The following ZNF385D variants were observed in gnomAD, a reference collection of about 807,000 sequenced individuals.
ZNF385D encodes the protein zinc finger protein 659.
A neutral mutation model predicts 35.8 loss-of-function variants in ZNF385D; 15 were observed. The ratio of observed to expected loss-of-function variants is 0.42; its 90% CI spans 0.28 to 0.64. ZNF385D has a LOEUF of 0.64. Among genes scored for constraint, ZNF385D ranks in the 30% least tolerant of loss-of-function variants. The pLI, the probability that ZNF385D is intolerant of heterozygous loss-of-function variation, is 0.23. For missense variants in ZNF385D, 474 were observed against 494.6 expected, an observed-to-expected ratio of 0.96 and a Z score of 0.39; for synonymous variants, 212 against 186.8, an observed-to-expected ratio of 1.13 and a Z score of -1.10.
At chr3:22,202,594 G>A (rs552464021) in intron 2 of ZNF385D, among the ~76,000 whole-genome samples, 15 of 152,158 alleles carry the variant, frequency 9.9e-5, no homozygotes, top group African/African-American at 3.6e-4. Flanking sequence ...CCAAAAATCA[G>A]GTAAGTGATC....
At chr3:21,700,180 C>T (rs991847325) in intron 1 of ZNF385D, among the ~76,000 whole-genome samples, 21 of 152,006 alleles carry the variant, frequency 1.4e-4, no homozygotes, top group Middle Eastern at 3.4e-3. Flanking sequence ...TAGAGAATGT[C>T]GGGGCCAGGT....
chr3:22,289,847 A>G (rs1346756023), intron 2 of ZNF385D, among the ~76,000 whole-genome samples: 1 of 152,158 alleles, frequency 6.6e-6, no homozygotes, highest in Non-Finnish European at 1.5e-5. Flanking sequence ...TTTAGAATAC[A>G]CACAGCTACT....
intron 1 of ZNF385D, among the ~76,000 whole-genome samples, chr3:21,711,159 A>G (rs2068092930): frequency 6.9e-6 from 1 of 144,564 alleles, no homozygotes; most frequent in Non-Finnish European, 1.5e-5. Context: ...CTCCTGCCTC[A>G]GCCTCCCGAG....
chr3:21,808,878 A>G (rs570932224), intron 3 of ZNF385D, among the ~76,000 whole-genome samples: 3 of 152,212 alleles, frequency 2.0e-5, no homozygotes, highest in Non-Finnish European at 4.4e-5. Context: ...GGTAGCACCA[A>G]AGTAGGACAG....
chr3:21,885,137 T>C (rs909084590), intron 3 of ZNF385D, among the ~76,000 whole-genome samples: 1 of 152,008 alleles, frequency 6.6e-6, no homozygotes, highest in Non-Finnish European at 1.5e-5. Context: ...ATAATTTACA[T>C]AAAAGCATAT....
At chr3:21,633,052 A>G (rs538513639) in intron 2 of ZNF385D, among the ~76,000 whole-genome samples, 1 of 152,128 alleles carries the variant, frequency 6.6e-6, no homozygotes, top group South Asian at 2.1e-4. Context: ...GAAAATGCAC[A>G]AAAGTCTAAA....
rs199996850 is a variant in ZNF385D, at chr3:21,421,467, T to C, written c.955-20A>G. The C allele has an allele frequency of 2.8e-5, 44 of 1,578,982 alleles. No homozygotes were observed. In the African/African-American group the frequency reaches 5.6e-4, roughly 20 times the overall value. ...TTTTACCTGCAAGGGAGAAAAAATA[T>C]TGTAAAAAAAACAACAGTTTTGGAA... On this transcript the variant is annotated intron_variant, in intron 7 of 7. Transcript: ENST00000281523.
chr3:21,714,414 C>T (rs1229446424), intron 1 of ZNF385D, among the ~76,000 whole-genome samples: 2 of 152,172 alleles, frequency 1.3e-5, no homozygotes, highest in Non-Finnish European at 2.9e-5. Flanking sequence ...TTCTGAGCCT[C>T]ACTAAAGAAT....
chr3:21,923,500 T>C (rs1260982099), intron 3 of ZNF385D, among the ~76,000 whole-genome samples: 1 of 152,140 alleles, frequency 6.6e-6, no homozygotes, highest in Non-Finnish European at 1.5e-5. Context: ...AGCAATCCCA[T>C]TACTGCATAT....
At chr3:21,804,354 A>T (rs1261605596) in intron 3 of ZNF385D, among the ~76,000 whole-genome samples, 1 of 152,216 alleles carries the variant, frequency 6.6e-6, no homozygotes, top group Non-Finnish European at 1.5e-5. Flanking sequence ...AGTTGTAATT[A>T]AAATGAACAG....
chr3:22,107,622 G>A (rs1576332788), intron 3 of ZNF385D, among the ~76,000 whole-genome samples: 1 of 151,982 alleles, frequency 6.6e-6, no homozygotes, highest in Non-Finnish European at 1.5e-5. Flanking sequence ...TATGCTTACT[G>A]CAGGAAAATA....
chr3:22,137,882 C>T (rs577937625), intron 3 of ZNF385D, among the ~76,000 whole-genome samples: 7 of 151,968 alleles, frequency 4.6e-5, no homozygotes, highest in Non-Finnish European at 8.8e-5. Context: ...GTCAAATTGT[C>T]CCTGTTTGCA....
At chr3:22,157,803 G>C (rs190935406) in intron 3 of ZNF385D, among the ~76,000 whole-genome samples, 101 of 152,162 alleles carry the variant, frequency 6.6e-4, no homozygotes, top group African/African-American at 2.3e-3. Flanking sequence ...TAGAAAATAT[G>C]ACTTGTTCAT....
chr3:21,964,407 T>C (rs1482252283), intron 3 of ZNF385D, among the ~76,000 whole-genome samples: 1 of 124,280 alleles, frequency 8.0e-6, no homozygotes, highest in Non-Finnish European at 1.6e-5. Flanking sequence ...AGTTGGTCCT[T>C]TTTGTAAAAA....
rs141738520 is a variant in ZNF385D, at chr3:21,518,967, A to G, written c.277-7944T>C. On this transcript the variant is annotated intron_variant, in intron 3 of 7. Transcript: ENST00000281523. Reference sequence around the variant, plus strand: ...AATAGAAGATTACATTATGAATAAAAATGAATATTCACTCGCATTTTTTCC... The same window carrying G: ...AATAGAAGATTACATTATGAATAAAGATGAATATTCACTCGCATTTTTTCC... Among the ~76,000 whole-genome samples the G allele has an allele frequency of 4.5e-3, 692 of 152,282 alleles. 2 individuals carry two copies. Among genetic ancestry groups the G allele is most frequent in the Non-Finnish European group, 5.6e-3 (378 of 68,016 alleles).
At chr3:21,926,332 G>A (rs1302363807) in intron 3 of ZNF385D, among the ~76,000 whole-genome samples, 2 of 151,914 alleles carry the variant, frequency 1.3e-5, no homozygotes, top group African/African-American at 4.8e-5. Flanking sequence ...CCCTCCCTGT[G>A]TCCATGTGTT....
intron 3 of ZNF385D, among the ~76,000 whole-genome samples, chr3:21,968,901 G>T (rs1703071915): frequency 6.6e-6 from 1 of 152,176 alleles, no homozygotes; most frequent in Non-Finnish European, 1.5e-5. Flanking sequence ...CAGTGGTGTG[G>T]AGTACCAAGT....
intron 3 of ZNF385D, among the ~76,000 whole-genome samples, chr3:21,761,717 T>C (rs1019258617): frequency 2.6e-5 from 4 of 151,772 alleles, no homozygotes; most frequent in Non-Finnish European, 4.4e-5. Flanking sequence ...CAACCAATAA[T>C]AGTCATGAGA....
At chr3:22,220,794 G>A (rs971131850) in intron 2 of ZNF385D, among the ~76,000 whole-genome samples, 3 of 151,926 alleles carry the variant, frequency 2.0e-5, no homozygotes. Flanking sequence ...CTTTCCCTAA[G>A]TATTATTTTC....
Sources: allele counts gnomAD v4.1 joint callset (sites outside exome capture counted in the v4.1 genomes callset), GRCh38; gene constraint gnomAD v4.1.1; transcripts MANE v1.5; gene names NCBI Gene and HGNC (gene_info 2026-07-23, HGNC 2026-07-21).